JAK3: variants seen among roughly 807,000 people sequenced by gnomAD.
JAK3 encodes the protein tyrosine-protein kinase JAK3.
JAK3 carries 88 observed loss-of-function variants against 120.8 expected under a neutral mutation model. The observed-to-expected ratio is 0.73, with a 90% CI of 0.61 to 0.87. The LOEUF (loss-of-function observed/expected upper bound fraction) is 0.87. Among genes scored for constraint, JAK3 ranks in the 40% least tolerant of loss-of-function variants. The pLI, the probability that JAK3 is intolerant of heterozygous loss-of-function variation, is 0.00. For missense variants in JAK3, 1,254 were observed against 1,501.4 expected, an observed-to-expected ratio of 0.84 and a Z score of 2.72; for synonymous variants, 592 against 628.6, an observed-to-expected ratio of 0.94 and a Z score of 0.87.
In JAK3 at chr19:17,840,233, G is replaced by T. The variant is rs1351911657; in HGVS notation, c.1251C>A (p.Val417=). ...DFDSFLLTVC[V]QNPLGPDYKG... ...CCCACCCTAGCAGTAGACCGACCTG[G>T]ACACAGACAGTGAGGAGGAAGCTGT... The change falls in exon 9 of 24, where the codon GTC becomes GTA. Residue 417 remains valine, a synonymous_variant. Coordinates refer to ENST00000458235, the MANE Select transcript of JAK3 (RefSeq NM_000215.4). 6.2e-7 allele frequency: 1 copy of T among 1,611,846 alleles called. No individual in the cohort carries two copies. Among genetic ancestry groups the T allele is most frequent in the Non-Finnish European group, 8.5e-7 (1 of 1,178,176 alleles).
intron 23 of JAK3, among the ~76,000 whole-genome samples, chr19:17,828,926 A>C (rs2094208836): frequency 6.6e-6 from 1 of 152,084 alleles, no homozygotes; most frequent in Non-Finnish European, 1.5e-5. Flanking sequence ...AGGCCGAGGC[A>C]GGAGGATCAC....
intron 1 of JAK3, among the ~76,000 whole-genome samples, chr19:17,846,163 G>A (rs1002344627): frequency 3.3e-5 from 5 of 152,140 alleles, no homozygotes; most frequent in Admixed American, 6.5e-5. Flanking sequence ...CTAGGACTCA[G>A]CTTTCGCAGC....
Position 17,831,492 on chromosome 19 carries a change from A to G in JAK3, c.2806-92T>C. ...ACCTGGCACCCCAACCCAGACCCCA[A>G]CTATAACCCTACCCCCGAGCCATCC... On this transcript the variant is annotated intron_variant, in intron 20 of 23. Transcript: ENST00000458235. This position sits in a 1 kb window ranked among gnomAD's most constrained non-coding sequence, Gnocchi z 5.1. 1.9e-6 allele frequency: 3 copies of G among 1,558,342 alleles called. No individual in the cohort carries two copies. Among genetic ancestry groups the G allele is most frequent in the South Asian group, 2.2e-5 (2 of 89,796 alleles).
At chr19:17,845,225 T>G (rs1198066745) in intron 1 of JAK3, among the ~76,000 whole-genome samples, 2 of 152,222 alleles carry the variant, frequency 1.3e-5, no homozygotes, top group South Asian at 2.1e-4. Flanking sequence ...TGGAGTGCAG[T>G]GGCGCAATCT....
intron 23 of JAK3, chr19:17,829,805 T>A: frequency 2.1e-6 from 1 of 487,216 alleles, no homozygotes; most frequent in Non-Finnish European, 3.7e-6. Flanking sequence ...CCACCATTTA[T>A]GGAGCATCGA....
rs760856974 is a variant in JAK3 at position 17,827,717 on chromosome 19, T to TAAAA, written c.3208-811_3208-808dup. 6.2e-3 allele frequency among the ~76,000 whole-genome samples: 480 copies of TAAAA among 77,632 alleles called. 59 individuals carry two copies. The highest frequency in any genetic ancestry group is 1.0e-2 in the African/African-American group (167 of 16,772). The allele number at this position is 77,632 out of a possible 152,430, so 50.9% of individuals were successfully genotyped here. A position where few individuals can be genotyped will look rare whatever the true frequency, so the allele number is the denominator to read the frequency against. ...CAACATGGAGAAACCCCATCTTAAC[T>TAAAA]AAAAAAAAAAAAAAAAAAAAAAAAA... On this transcript the variant is annotated intron_variant, in intron 23 of 23. Coordinates refer to ENST00000458235, the MANE Select transcript of JAK3 (RefSeq NM_000215.4).
In JAK3 at chr19:17,834,813, T is replaced by G. The variant is rs763327012; in HGVS notation, c.2199+39A>C. On this transcript the variant is annotated intron_variant, in intron 16 of 23. Transcript: ENST00000458235. ...ATGTCAGTCTGCCCTTCTGTCAAAG[T>G]GGGGGTTCGGAGACCGATGCCGGGT... 3.7e-6 allele frequency: 6 copies of G among 1,613,382 alleles called. No homozygotes were observed. In the South Asian group the frequency reaches 6.6e-5, roughly 18 times the overall value.
chr19:17,846,540 G>T (rs2094252539), intron 1 of JAK3, among the ~76,000 whole-genome samples: 1 of 152,124 alleles, frequency 6.6e-6, no homozygotes, highest in Non-Finnish European at 1.5e-5. Flanking sequence ...ACACACCATA[G>T]CCTCTCTATC....
chr19:17,836,066 G>C lies in JAK3; in HGVS notation c.1787-15C>G. On this transcript the variant is annotated splice_polypyrimidine_tract_variant and intron_variant, in intron 13 of 23. Transcript: ENST00000458235. Reference sequence around the variant, plus strand: ...CACCATGGTGCCTGGTTGGCAGCAGGGAGAGGCGGGGTTGGGAGACTGAAC... The same window carrying C: ...CACCATGGTGCCTGGTTGGCAGCAGCGAGAGGCGGGGTTGGGAGACTGAAC... 6.2e-7 allele frequency: 1 copy of C among 1,612,922 alleles called. No individual in the cohort carries two copies. Among genetic ancestry groups the C allele is most frequent in the Non-Finnish European group, 8.5e-7 (1 of 1,179,988 alleles).
rs563641504 is a variant in JAK3 at position 17,843,585 on chromosome 19, G to T, written c.309-94C>A. 64 of 1,142,858 alleles carry T rather than the reference G, an allele frequency of 5.6e-5. No individual in the cohort carries two copies. In the African/African-American group the frequency reaches 7.9e-4, roughly 14 times the overall value. 70.8% of individuals were successfully genotyped at this position (1,142,858 alleles called of 1,614,324 possible). On this transcript the variant is annotated intron_variant, in intron 3 of 23. Transcript: ENST00000458235. The surrounding 1 kb of genome is among the most constrained non-coding windows in gnomAD (Gnocchi z 5.4). The stretch of plus-strand genomic sequence containing the variant: ...GGGGCGAGGGACAGATTCTGCGGAG[G>T]CCTCACAGAGCCCAGCTTGTACCTT...
intron 11 of JAK3, 58 bp downstream of exon 11, chr19:17,838,205 G>C: frequency 6.2e-7 from 1 of 1,612,174 alleles, no homozygotes. Context: ...CTGAGGCCAC[G>C]CATCTGAGTC....
At chr19:17,827,842 T>C (rs151110773) in intron 23 of JAK3, among the ~76,000 whole-genome samples, 3,813 of 144,834 alleles carry the variant, frequency 0.026, 175 homozygotes, top group African/African-American at 0.089. Flanking sequence ...GCGGAAGTTG[T>C]GGTGAGCCGA....
chr19:17,833,004 A>C, intron 17 of JAK3, 75 bp from the exon 18 acceptor site: 5 of 1,555,590 alleles, frequency 3.2e-6, no homozygotes, highest in Non-Finnish European at 4.4e-6. Flanking sequence ...CTTGCTGTGC[A>C]ACCTCCATCT....
rs1343424762 is a variant in JAK3 at position 17,831,069 on chromosome 19, G to A, written c.2978+159C>T. Among the ~76,000 whole-genome samples, 2 of 148,188 alleles carry A rather than the reference G, an allele frequency of 1.3e-5. No homozygotes were observed. On this transcript the variant is annotated intron_variant, in intron 21 of 23. Transcript: ENST00000458235. The surrounding 1 kb of genome is among the most constrained non-coding windows in gnomAD (Gnocchi z 5.1). The stretch of plus-strand genomic sequence containing the variant: ...GAGACAGAGGAGCCAGTGCTGTTGA[G>A]GGGGCGGGGCTCTGGGGAGTGGGAG...
Position 17,830,557 on chromosome 19 carries a change from C to A in JAK3, c.3042G>T (p.Gly1014=). 1 of 1,613,608 alleles carries A rather than the reference C, an allele frequency of 6.2e-7. No individual in the cohort carries two copies. Among genetic ancestry groups the A allele is most frequent in the Non-Finnish European group, 8.5e-7 (1 of 1,179,866 alleles). Reference sequence around the variant, plus strand: ...AGGTGAAGAGCTCGTACAGGACGACCCCGAAGCTCCAGACGTCTGACTGGC... The same window carrying A: ...AGGTGAAGAGCTCGTACAGGACGACACCGAAGCTCCAGACGTCTGACTGGC... The part of the protein sequence containing the change: ...FSRQSDVWSF[G]VVLYELFTYC... The change falls in exon 22 of 24, where the codon GGG becomes GGT. Residue 1014 remains glycine, a synonymous_variant. Transcript: ENST00000458235.
At position 17,832,379 on chromosome 19, in the gene JAK3, G is replaced by C. The variant is rs1162441995; in HGVS notation, c.2680+140C>G. Reference sequence around the variant, plus strand: ...CACAACTGGTAAGGGGTAGAGTCAGGATTCAAACCTGTAACCCATGTGAAT... The same window carrying C: ...CACAACTGGTAAGGGGTAGAGTCAGCATTCAAACCTGTAACCCATGTGAAT... On this transcript the variant is annotated intron_variant, in intron 19 of 23. Transcript: ENST00000458235. The surrounding 1 kb of genome is among the most constrained non-coding windows in gnomAD (Gnocchi z 4.7). 19 of 867,960 alleles carry C rather than the reference G, an allele frequency of 2.2e-5. No individual in the cohort carries two copies. The Middle Eastern group carries it at 8.0e-4, about 36-fold the overall frequency. 53.8% of individuals were successfully genotyped at this position (867,960 alleles called of 1,614,324 possible). A position where few individuals can be genotyped will look rare whatever the true frequency, so the allele number is the denominator to read the frequency against.
intron 1 of JAK3, among the ~76,000 whole-genome samples, chr19:17,846,921 G>A (rs759061235): frequency 6.6e-6 from 1 of 150,978 alleles, no homozygotes; most frequent in African/African-American, 2.4e-5. Flanking sequence ...GGGGGAGGAC[G>A]GATTCTTGTT....
At position 17,836,050 on chromosome 19, in the gene JAK3, G is replaced by T; in HGVS notation, c.1788C>A (p.Ser596Arg). 1.9e-6 allele frequency: 3 copies of T among 1,612,798 alleles called. No homozygotes were observed. The highest frequency in any genetic ancestry group is 2.5e-6 in the Non-Finnish European group (3 of 1,180,022). Residue 596 changes from serine (S) to arginine (R), a missense_variant and splice_region_variant, in exon 14 of 24, where the codon AGC becomes AGA. Around this residue, in one of 3 missense-constraint regions of JAK3, gnomAD observed 630 missense variants for 819.8 expected, o/e 0.77. Coordinates refer to ENST00000458235, the MANE Select transcript of JAK3 (RefSeq NM_000215.4). ...LLHGVCMAGD[S>R]TMVQEFVHLG... The stretch of plus-strand genomic sequence containing the variant: ...GGTGTACAAATTCCTGCACCATGGT[G>T]CCTGGTTGGCAGCAGGGAGAGGCGG...
intron 23 of JAK3, among the ~76,000 whole-genome samples, chr19:17,827,179 A>G (rs1359854437): frequency 1.3e-5 from 2 of 151,872 alleles, no homozygotes; most frequent in Non-Finnish European, 2.9e-5. Flanking sequence ...GGGTTTCACC[A>G]TGTTGGCCAG....
Sources: gnomAD v4.1 joint callset for allele counts (sites outside exome capture counted in the v4.1 genomes callset) on GRCh38, gnomAD v4.1.1 for gene constraint, gnomAD v4.1.1 regional missense constraint, Gnocchi (gnomAD v3.1) non-coding constraint, MANE v1.5 for transcripts, NCBI Gene and HGNC (gene_info 2026-07-23, HGNC 2026-07-21) for gene names.